HMGN5: variants seen among roughly 807,000 people sequenced by gnomAD.
The protein encoded by HMGN5 is high mobility group nucleosome binding domain 5.
A neutral mutation model predicts 9.5 loss-of-function variants in HMGN5; 4 were observed. That is an observed-to-expected ratio of 0.42 (90% CI 0.21 to 0.96). The LOEUF (loss-of-function observed/expected upper bound fraction) is 0.96. HMGN5 is among the 40% of genes least tolerant of loss of function. HMGN5 has a pLI of 0.30. For missense variants in HMGN5, 192 were observed against 187.5 expected, an observed-to-expected ratio of 1.02 and a Z score of -0.14; for synonymous variants, 55 against 57.1, an observed-to-expected ratio of 0.96 and a Z score of 0.16.
At chrX:81,142,504 G>A (rs2075332519) in intron 1 of HMGN5, among the ~76,000 whole-genome samples, 1 of 111,495 alleles carries the variant, frequency 9.0e-6, no homozygotes, top group Non-Finnish European at 1.9e-5. Context: ...ATACAGTGGA[G>A]CTCCAATAAA....
At chrX:81,116,487 T>C (rs2075254154) in intron 5 of HMGN5, 146 bp from the exon 6 acceptor site, 2 of 389,344 alleles carry the variant, frequency 5.1e-6, no homozygotes, top group African/African-American at 2.6e-5. Flanking sequence ...AACAAAATTA[T>C]CATATAATAT....
intron 1 of HMGN5, among the ~76,000 whole-genome samples, chrX:81,159,834 A>C (rs1219989343): frequency 9.0e-5 from 10 of 111,374 alleles, no homozygotes; most frequent in African/African-American, 3.3e-4. Context: ...ACTAAAAAAT[A>C]TATTTATGAT....
chrX:81,143,158 T>A (rs1435957054), intron 1 of HMGN5, among the ~76,000 whole-genome samples: 2 of 110,454 alleles, frequency 1.8e-5, no homozygotes, highest in African/African-American at 6.6e-5. Context: ...AACAAGAAAC[T>A]TAATTATATC....
chrX:81,126,147 C>CAAAAAAA (rs776769640), intron 1 of HMGN5, among the ~76,000 whole-genome samples: 3 of 47,759 alleles, frequency 6.3e-5, no homozygotes, highest in African/African-American at 7.7e-5. Context: ...GACGCAGTCT[C>CAAAAAAA]AAAAAAAAAA....
At chrX:81,159,395 A>G (rs949804214) in intron 1 of HMGN5, among the ~76,000 whole-genome samples, 10 of 111,420 alleles carry the variant, frequency 9.0e-5, no homozygotes, top group Admixed American at 3.8e-4. Context: ...ACTTCAAATA[A>G]AAATAAAAAT....
At chrX:81,121,167 G>A (rs1467007016) in intron 2 of HMGN5, among the ~76,000 whole-genome samples, 1 of 110,564 alleles carries the variant, frequency 9.0e-6, no homozygotes, top group Non-Finnish European at 1.9e-5. Context: ...AGAAAAGCCG[G>A]TGGCAGAGGA....
intron 1 of HMGN5, among the ~76,000 whole-genome samples, chrX:81,174,974 A>G (rs2075437410): frequency 9.0e-6 from 1 of 111,694 alleles, no homozygotes; most frequent in Non-Finnish European, 1.9e-5. Flanking sequence ...AACAACTTAG[A>G]ATAAGTAGTG....
chrX:81,198,994 A>C (rs1281913431), intron 1 of HMGN5, among the ~76,000 whole-genome samples: 2 of 112,061 alleles, frequency 1.8e-5, no homozygotes, highest in Non-Finnish European at 3.8e-5. Context: ...GTTTCAGCCC[A>C]AAATCTCCTT....
At chrX:81,170,791 G>T (rs753278399) in intron 1 of HMGN5, among the ~76,000 whole-genome samples, 1 of 111,027 alleles carries the variant, frequency 9.0e-6, no homozygotes, top group South Asian at 3.8e-4. Context: ...TAATTATGTT[G>T]AGCATCTACT....
At chrX:81,153,550 CCTCTCT>C (rs775237001) in intron 1 of HMGN5, among the ~76,000 whole-genome samples, 15 of 4,484 alleles carry the variant, frequency 3.3e-3, no homozygotes, top group Non-Finnish European at 4.1e-3. Context: ...CGAAACTCTG[CCTCTCT>C]CTCTCTCTCT....
At chrX:81,169,464 A>G (rs1282993597) in intron 1 of HMGN5, among the ~76,000 whole-genome samples, 1 of 111,756 alleles carries the variant, frequency 8.9e-6, no homozygotes, top group African/African-American at 3.3e-5. Context: ...GCATACTTGG[A>G]GAACTGCTTG....
intron 1 of HMGN5, among the ~76,000 whole-genome samples, chrX:81,178,846 A>G (rs772923682): frequency 1.3e-4 from 15 of 111,805 alleles, no homozygotes; most frequent in Non-Finnish European, 2.8e-4. Flanking sequence ...CAAAAAGCTT[A>G]TCCACCACAA....
At chrX:81,153,631 A>ATG (rs2075374706) in intron 1 of HMGN5, among the ~76,000 whole-genome samples, 1 of 46,010 alleles carries the variant, frequency 2.2e-5, no homozygotes, top group South Asian at 1.3e-3. Flanking sequence ...ATATATATAT[A>ATG]TATATATATG....
chrX:81,197,979 G>T (rs1228563546), intron 1 of HMGN5, among the ~76,000 whole-genome samples: 1 of 111,530 alleles, frequency 9.0e-6, no homozygotes, highest in Non-Finnish European at 1.9e-5. Flanking sequence ...GCAAAGGCAA[G>T]AGTTGGATAA....
intron 1 of HMGN5, among the ~76,000 whole-genome samples, chrX:81,123,302 G>GTGAC (rs2075274223): frequency 1.8e-5 from 2 of 110,796 alleles, no homozygotes; most frequent in African/African-American, 6.6e-5. Context: ...ATGAGCCTGC[G>GTGAC]TGACTGCTGC....
intron 1 of HMGN5, among the ~76,000 whole-genome samples, chrX:81,189,686 T>C (rs1337410692): frequency 1.8e-5 from 2 of 112,371 alleles, no homozygotes; most frequent in East Asian, 2.8e-4. Context: ...AAAGCTGCTA[T>C]AAACATCCAT....
chrX:81,155,116 C>T lies in HMGN5; in HGVS notation c.-123-33444G>A, dbSNP rs867043443. ...ATATATATATATACACACACACATACACATATATATATATATATATACTCT... is the reference window on the plus strand; with the variant it reads ...ATATATATATATACACACACACATATACATATATATATATATATATACTCT... On this transcript the variant is annotated intron_variant, in intron 1 of 6. Transcript: ENST00000358130. 1.0e-3 allele frequency among the ~76,000 whole-genome samples: 90 copies of T among 89,068 alleles called. 1 individual carries two copies. The Middle Eastern group carries it at 0.017, about 17-fold the overall frequency. 77.3% of individuals were successfully genotyped at this position (89,068 alleles called of 115,157 possible).
intron 1 of HMGN5, among the ~76,000 whole-genome samples, chrX:81,140,791 A>G (rs2075327011): frequency 9.0e-6 from 1 of 110,662 alleles, no homozygotes; most frequent in African/African-American, 3.3e-5. Context: ...GGAAAAGTAA[A>G]GGGAATTTTG....
intron 1 of HMGN5, among the ~76,000 whole-genome samples, chrX:81,135,070 G>A (rs2075307595): frequency 9.0e-6 from 1 of 111,017 alleles, no homozygotes; most frequent in Admixed American, 9.6e-5. Flanking sequence ...TTAGCCTATG[G>A]TTTCTTAAAT....
Sources: gnomAD v4.1 joint callset for allele counts (sites outside exome capture counted in the v4.1 genomes callset) on GRCh38, gnomAD v4.1.1 for gene constraint, MANE v1.5 for transcripts, NCBI Gene and HGNC (gene_info 2026-07-23, HGNC 2026-07-21) for gene names.